Variants in FCHSD2 observed in about 807,000 individuals in gnomAD.
The protein encoded by FCHSD2 is F-BAR and double SH3 domains protein 2.
Under a neutral mutation model 108.1 loss-of-function variants are expected in FCHSD2, and 38 were observed. The ratio of observed to expected loss-of-function variants is 0.35; its 90% CI spans 0.27 to 0.46. The LOEUF (loss-of-function observed/expected upper bound fraction) is 0.46. Among genes scored for constraint, FCHSD2 ranks in the 20% least tolerant of loss-of-function variants. FCHSD2 has a pLI of 1.00. For synonymous variants in FCHSD2, 279 were observed against 314.7 expected, an observed-to-expected ratio of 0.89 and a Z score of 1.20; for missense variants, 751 against 897.8, an observed-to-expected ratio of 0.84 and a Z score of 2.09.
At chr11:72,960,787 G>T (rs555552351) in intron 8 of FCHSD2, among the ~76,000 whole-genome samples, 1 of 152,248 alleles carries the variant, frequency 6.6e-6, no homozygotes, top group East Asian at 1.9e-4. Context: ...GAACCCCAGG[G>T]TGTGAAATAC....
At chr11:72,992,011 C>A (rs919857854) in intron 5 of FCHSD2, among the ~76,000 whole-genome samples, 1 of 152,104 alleles carries the variant, frequency 6.6e-6, no homozygotes, top group Non-Finnish European at 1.5e-5. Flanking sequence ...TTTAGAAAAC[C>A]CCATCGTCTC....
intron 8 of FCHSD2, among the ~76,000 whole-genome samples, chr11:72,972,922 C>T (rs886458282): frequency 3.9e-5 from 6 of 152,210 alleles, no homozygotes; most frequent in African/African-American, 9.6e-5. Context: ...TAAGCTGGCA[C>T]TCTTTTGTAC....
At chr11:72,964,216 T>A (rs945225101) in intron 8 of FCHSD2, among the ~76,000 whole-genome samples, 2 of 152,178 alleles carry the variant, frequency 1.3e-5, no homozygotes, top group African/African-American at 4.8e-5. Flanking sequence ...ATCCTGACTA[T>A]AAAAAATCAG....
chr11:73,052,452 C>A (rs1021505876), intron 3 of FCHSD2, among the ~76,000 whole-genome samples: 1 of 151,754 alleles, frequency 6.6e-6, no homozygotes, highest in African/African-American at 2.4e-5. Context: ...CGTTTAGTGA[C>A]AATTAATAGT....
intron 9 of FCHSD2, among the ~76,000 whole-genome samples, chr11:72,917,765 G>A (rs1444212833): frequency 6.6e-6 from 1 of 152,136 alleles, no homozygotes; most frequent in Non-Finnish European, 1.5e-5. Context: ...GCATATGCCT[G>A]TAATTCTAGC....
chr11:72,924,426 C>T (rs1254250834), intron 8 of FCHSD2, among the ~76,000 whole-genome samples: 4 of 149,348 alleles, frequency 2.7e-5, no homozygotes, highest in African/African-American at 9.8e-5. Context: ...TACAGGTGCC[C>T]GCCACCACAC....
chr11:73,037,947 A>C, intron 3 of FCHSD2, among the ~76,000 whole-genome samples: 1 of 152,182 alleles, frequency 6.6e-6, no homozygotes, highest in East Asian at 1.9e-4. Flanking sequence ...TGGGAAACTT[A>C]TTTTATTTTT....
At chr11:73,099,798 G>A (rs979865655) in intron 2 of FCHSD2, among the ~76,000 whole-genome samples, 2 of 152,194 alleles carry the variant, frequency 1.3e-5, no homozygotes, top group African/African-American at 4.8e-5. Flanking sequence ...GCTGTGGCTA[G>A]AAAGAGTGCG....
chr11:72,952,493 T>G (rs2135359212), intron 8 of FCHSD2, among the ~76,000 whole-genome samples: 1 of 152,122 alleles, frequency 6.6e-6, no homozygotes, highest in Admixed American at 6.5e-5. Flanking sequence ...CCCAGCTAAT[T>G]TTTATATTTT....
chr11:73,023,543 G>C (rs1375121365), intron 3 of FCHSD2, among the ~76,000 whole-genome samples: 1 of 152,198 alleles, frequency 6.6e-6, no homozygotes, highest in Non-Finnish European at 1.5e-5. Flanking sequence ...AGAAATGCTA[G>C]TGAGGACGCA....
intron 3 of FCHSD2, among the ~76,000 whole-genome samples, chr11:73,064,703 C>T (rs925575514): frequency 3.3e-5 from 5 of 152,132 alleles, no homozygotes; most frequent in Non-Finnish European, 1.5e-5. Context: ...GAAATACAAA[C>T]TACCACCAGA....
At chr11:72,960,620 A>G (rs756956757) in intron 8 of FCHSD2, among the ~76,000 whole-genome samples, 1 of 152,146 alleles carries the variant, frequency 6.6e-6, no homozygotes, top group Non-Finnish European at 1.5e-5. Context: ...TGACACATAA[A>G]CTGAAACCTA....
intron 8 of FCHSD2, among the ~76,000 whole-genome samples, chr11:72,969,824 G>T (rs1274046008): frequency 6.6e-6 from 1 of 152,142 alleles, no homozygotes; most frequent in African/African-American, 2.4e-5. Context: ...TGATTTATTG[G>T]ATGAAGTTTA....
chr11:72,905,009 C>T (rs567515127), intron 9 of FCHSD2, among the ~76,000 whole-genome samples: 3 of 152,214 alleles, frequency 2.0e-5, no homozygotes, highest in Admixed American at 6.5e-5. Context: ...TTACTTCCAT[C>T]AGGAAGCTTG....
chr11:73,131,703 C>CA (rs1173232302), intron 2 of FCHSD2, among the ~76,000 whole-genome samples: 315 of 107,530 alleles, frequency 2.9e-3, no homozygotes, highest in Middle Eastern at 0.027. Flanking sequence ...GACTATGTCT[C>CA]AAAAAAAAAA....
chr11:72,955,500 CA>C (rs1313488090), intron 8 of FCHSD2, among the ~76,000 whole-genome samples: 2 of 152,124 alleles, frequency 1.3e-5, no homozygotes, highest in Non-Finnish European at 2.9e-5. Context: ...GTGATCAAGT[CA>C]CCCTTTAAGC....
chr11:72,960,011 G>A lies in FCHSD2; in HGVS notation c.705+24077C>T, dbSNP rs144987216. 7.9e-3 allele frequency among the ~76,000 whole-genome samples: 1,209 copies of A among 152,194 alleles called. 21 individuals are homozygous for A. The highest frequency in any genetic ancestry group is 0.027 in the African/African-American group (1,135 of 41,498). ...CACACTTCAAACACATATTAATATA[G>A]GGTATTAATCTGTTCTGCACTGCTG... On this transcript the variant is annotated intron_variant, in intron 8 of 19. Transcript: ENST00000409418.
At chr11:72,893,822 T>G (rs1282097144) in intron 10 of FCHSD2, among the ~76,000 whole-genome samples, 1 of 152,186 alleles carries the variant, frequency 6.6e-6, no homozygotes, top group East Asian at 1.9e-4. Flanking sequence ...ATAAAGTTAT[T>G]AAATAACTTT....
chr11:72,900,136 G>T, intron 10 of FCHSD2: 1 of 568,898 alleles, frequency 1.8e-6, no homozygotes, highest in Non-Finnish European at 3.1e-6. Flanking sequence ...CACAGCTGGT[G>T]CATCAGGGCC....
Sources: allele counts gnomAD v4.1 joint callset (sites outside exome capture counted in the v4.1 genomes callset), GRCh38; gene constraint gnomAD v4.1.1; transcripts MANE v1.5; gene names NCBI Gene and HGNC (gene_info 2026-07-23, HGNC 2026-07-21).